UBAC1: variants seen among roughly 807,000 people sequenced by gnomAD.
The protein encoded by UBAC1 is ubiquitin-associated domain-containing protein 1.
In UBAC1, 27 loss-of-function variants were observed where a neutral mutation model predicts 45.9. The ratio of observed to expected loss-of-function variants is 0.59; its 90% confidence interval spans 0.43 to 0.81. The LOEUF (loss-of-function observed/expected upper bound fraction) is 0.81. UBAC1 is among the 30% of genes least tolerant of loss of function. The pLI is 0.00. For missense variants in UBAC1, 529 were observed against 539.2 expected, an observed-to-expected ratio of 0.98 and a Z score of 0.19; for synonymous variants, 227 against 215.5, an observed-to-expected ratio of 1.05 and a Z score of -0.47.
chr9:135,947,909 C>A lies in UBAC1; in HGVS notation c.334-4G>T, dbSNP rs1478969963. 1.9e-6 allele frequency: 3 copies of A among 1,612,770 alleles called. No homozygotes were observed. In the African/African-American group the frequency reaches 4.0e-5, roughly 22 times the overall value. On this transcript the variant is annotated splice_polypyrimidine_tract_variant and splice_region_variant and intron_variant, in intron 3 of 9. Coordinates refer to ENST00000371756, the MANE Select transcript of UBAC1 (RefSeq NM_016172.3). ...GAGCTTTCTGGTCTTGTTTTTTCTA[C>A]ACAGAAACGTAATCAGAAAGTCTGA... is the stretch of plus-strand genomic sequence containing the variant.
chr9:135,960,900 AG>A, intron 1 of UBAC1, 124 bp downstream of exon 1: 3 of 805,526 alleles, frequency 3.7e-6, no homozygotes, highest in Non-Finnish European at 5.3e-6. Context: ...CCCGGAGGAG[AG>A]GGCCTGGGAG....
At chr9:135,949,456 C>G (rs538861284) in intron 3 of UBAC1, among the ~76,000 whole-genome samples, 37 of 152,298 alleles carry the variant, frequency 2.4e-4, no homozygotes, top group Middle Eastern at 3.4e-3. Flanking sequence ...AGCAGAGACA[C>G]CATGGAATAT....
At chr9:135,953,483 A>AT (rs1475078453) in intron 3 of UBAC1, among the ~76,000 whole-genome samples, 197 bp downstream of exon 3, 2 of 151,442 alleles carry the variant, frequency 1.3e-5, no homozygotes, top group African/African-American at 2.4e-5. Flanking sequence ...TGCCCAGCTA[A>AT]TTTTTTTTGT....
chr9:135,945,760 T>C, intron 6 of UBAC1, 129 bp downstream of exon 6: 1 of 707,260 alleles, frequency 1.4e-6, no homozygotes, highest in Non-Finnish European at 2.4e-6. Context: ...AAGGTACCTC[T>C]TCAAAACCCC....
intron 3 of UBAC1, among the ~76,000 whole-genome samples, chr9:135,950,571 ATAATCT>A (rs1203561855): frequency 6.6e-6 from 1 of 152,088 alleles, no homozygotes; most frequent in Non-Finnish European, 1.5e-5. Flanking sequence ...AGAAGGATAG[ATAATCT>A]TAATCTATTT....
intron 7 of UBAC1, among the ~76,000 whole-genome samples, chr9:135,944,458 G>A (rs1042406431): frequency 6.6e-5 from 10 of 152,214 alleles, no homozygotes; most frequent in Non-Finnish European, 1.2e-4. Context: ...AAACCTCCAA[G>A]GAGGAAGTAA....
At chr9:135,939,298 A>T (rs1308912434) in intron 8 of UBAC1, among the ~76,000 whole-genome samples, 5 of 152,304 alleles carry the variant, frequency 3.3e-5, no homozygotes, top group South Asian at 2.1e-4. Context: ...CCGTATTTTT[A>T]AATTTTTATA....
intron 7 of UBAC1, among the ~76,000 whole-genome samples, chr9:135,944,390 G>A (rs952649654): frequency 6.6e-5 from 10 of 152,222 alleles, no homozygotes; most frequent in African/African-American, 9.6e-5. Flanking sequence ...AGTGCCACAC[G>A]AGACGACAGC....
In UBAC1 at chr9:135,938,298, G is replaced by A. The variant is rs780287060; in HGVS notation, c.1026C>T (p.Pro342=). 2.9e-5 allele frequency: 46 copies of A among 1,614,016 alleles called. No homozygotes were observed. Among genetic ancestry groups the A allele is most frequent in the Admixed American group, 1.0e-4 (6 of 59,990 alleles). Residue 342 remains proline (P), a synonymous_variant, in exon 9 of 10, where the codon CCC becomes CCT. Coordinates refer to ENST00000371756, the MANE Select transcript of UBAC1 (RefSeq NM_016172.3). ...GGATGGCCTGAAAGAGAGGACTGTCGGGGTCGATGCCCTTGTCCAGCTCCT... is the reference window on the plus strand; with the variant it reads ...GGATGGCCTGAAAGAGAGGACTGTCAGGGTCGATGCCCTTGTCCAGCTCCT... ...SPEELDKGID[P]DSPLFQAILD...
At chr9:135,943,943 G>T (rs767182749) in intron 7 of UBAC1, among the ~76,000 whole-genome samples, 3 of 152,122 alleles carry the variant, frequency 2.0e-5, no homozygotes, top group African/African-American at 7.2e-5. Context: ...ACACAGTGAG[G>T]GGAACATCAC....
At chr9:135,949,774 C>T (rs1839385048) in intron 3 of UBAC1, among the ~76,000 whole-genome samples, 1 of 152,222 alleles carries the variant, frequency 6.6e-6, no homozygotes, top group African/African-American at 2.4e-5. Context: ...CGTGGCTGCA[C>T]AGCATGAGCA....
rs763748955 is a variant in UBAC1, at chr9:135,938,273, G to A, written c.1051C>T (p.Leu351=). 1 of 1,614,238 alleles carries A rather than the reference G, an allele frequency of 6.2e-7. No individual in the cohort carries two copies. Among genetic ancestry groups the A allele is most frequent in the Admixed American group, 1.7e-5 (1 of 60,030 alleles). The change falls in exon 9 of 10, where the codon CTG becomes TTG. Residue 351 remains leucine (L), a synonymous_variant. Coordinates refer to ENST00000371756, the MANE Select transcript of UBAC1 (RefSeq NM_016172.3). ...CCCAGCTGCACCACCGGGTTATCCAGGATGGCCTGAAAGAGAGGACTGTCG... is the reference window on the plus strand; with the variant it reads ...CCCAGCTGCACCACCGGGTTATCCAAGATGGCCTGAAAGAGAGGACTGTCG... The part of the protein sequence containing the change: ...DPDSPLFQAI[L]DNPVVQLGLT...
At chr9:135,945,561 T>G in intron 6 of UBAC1, 1 of 498,730 alleles carries the variant, frequency 2.0e-6, no homozygotes. Flanking sequence ...GATCTCGGAT[T>G]ATTCATTTTA....
chr9:135,953,877 A>G lies in UBAC1; in HGVS notation c.260-124T>C, dbSNP rs909690821. ...GATTCGGCCGGGCGCAGTGGCTCCCATCTGTAATCCCAGCACTTTGGGAGG... is the reference window on the plus strand; with the variant it reads ...GATTCGGCCGGGCGCAGTGGCTCCCGTCTGTAATCCCAGCACTTTGGGAGG... On this transcript the variant is annotated intron_variant, in intron 2 of 9. Coordinates refer to ENST00000371756, the MANE Select transcript of UBAC1 (RefSeq NM_016172.3). 15 of 667,584 alleles carry G rather than the reference A, an allele frequency of 2.2e-5. No homozygotes were observed. In the African/African-American group the frequency reaches 2.3e-4, roughly 10 times the overall value. The allele number at this position is 667,584 out of a possible 1,614,324, so 41.4% of individuals were successfully genotyped here. A position where few individuals can be genotyped will look rare whatever the true frequency, so the allele number is the denominator to read the frequency against.
intron 7 of UBAC1, among the ~76,000 whole-genome samples, chr9:135,944,046 A>G (rs536335093): frequency 3.2e-4 from 49 of 152,338 alleles, no homozygotes; most frequent in African/African-American, 1.1e-3. Context: ...ATGGGCTGAC[A>G]CGTGCAGCAA....
At chr9:135,960,789 G>C (rs1305615129) in intron 1 of UBAC1, among the ~76,000 whole-genome samples, 1 of 152,180 alleles carries the variant, frequency 6.6e-6, no homozygotes, top group East Asian at 1.9e-4. Flanking sequence ...TTAGTGACCG[G>C]AGTCCGCCGG....
In UBAC1 at chr9:135,955,305, G is replaced by A; in HGVS notation, c.249C>T (p.Ile83=). The A allele has an allele frequency of 6.3e-7, 1 of 1,586,736 alleles. No homozygotes were observed. The highest frequency in any genetic ancestry group is 1.9e-5 in the Admixed American group (1 of 52,556). Residue 83 remains isoleucine (I), a synonymous_variant, in exon 2 of 10, where the codon ATC becomes ATT. Transcript: ENST00000371756. ...CCACAGCAGCCTTACCTTGGTCCTG[G>A]ATGTTCTCTTCCAGGATGGTCCTGG... ...SDARTILEEN[I]QDQDVLLLIK... is the part of the protein sequence containing the mutation.
At position 135,945,988 on chromosome 9, in the gene UBAC1, T is replaced by A; in HGVS notation, c.554A>T (p.Asp185Val). 1 of 1,613,708 alleles carries A rather than the reference T, an allele frequency of 6.2e-7. No individual in the cohort carries two copies. Among genetic ancestry groups the A allele is most frequent in the Non-Finnish European group, 8.5e-7 (1 of 1,179,978 alleles). Residue 185 changes from aspartate to valine, a missense_variant, in exon 6 of 10, where the codon GAC becomes GTC. Transcript: ENST00000371756. ...ELFKKANAML[D>V]EDEDERVDEA... ...GTCCACACGCTCATCCTCGTCCTCG[T>A]CCAGCATTGCTGCAGGGAGACGACA...
intron 1 of UBAC1, 55 bp downstream of exon 1, chr9:135,960,970 C>CA: frequency 7.1e-7 from 1 of 1,416,950 alleles, no homozygotes; most frequent in Non-Finnish European, 9.3e-7. Flanking sequence ...GCGGGGTCCG[C>CA]AGTCGGAGGG....
Sources: gnomAD v4.1 joint callset for allele counts (sites outside exome capture counted in the v4.1 genomes callset) on GRCh38, gnomAD v4.1.1 for gene constraint, MANE v1.5 for transcripts, NCBI Gene and HGNC (gene_info 2026-07-23, HGNC 2026-07-21) for gene names.